Variants in NUBPL observed in about 807,000 individuals in gnomAD.
The protein encoded by NUBPL is iron-sulfur cluster transfer protein NUBPL.
Under a neutral mutation model 45.7 loss-of-function variants are expected in NUBPL, and 31 were observed. The observed-to-expected ratio is 0.68, with a 90% CI of 0.51 to 0.92. The LOEUF (loss-of-function observed/expected upper bound fraction) is 0.92. Among genes scored for constraint, NUBPL ranks in the 40% least tolerant of loss-of-function variants. NUBPL has a pLI of 0.00. For synonymous variants in NUBPL, 144 were observed against 140.9 expected, an observed-to-expected ratio of 1.02 and a Z score of -0.15; for missense variants, 401 against 398.7, an observed-to-expected ratio of 1.01 and a Z score of -0.05.
At chr14:31,855,981 T>G (rs1250718229) in intron 10 of NUBPL, among the ~76,000 whole-genome samples, 1 of 152,232 alleles carries the variant, frequency 6.6e-6, no homozygotes, top group Non-Finnish European at 1.5e-5. Context: ...TATTAAGTAC[T>G]CAGTAAATCT....
intron 3 of NUBPL, among the ~76,000 whole-genome samples, chr14:31,586,154 A>G (rs11624210): frequency 0.065 from 9,950 of 152,220 alleles, 431 homozygotes; most frequent in Non-Finnish European, 0.092. Flanking sequence ...ATTCAGTTGA[A>G]CCAATCCAAG....
At chr14:31,599,866 T>C (rs564985617) in intron 4 of NUBPL, among the ~76,000 whole-genome samples, 1 of 152,234 alleles carries the variant, frequency 6.6e-6, no homozygotes, top group East Asian at 1.9e-4. Context: ...GAGCATTTTC[T>C]TACTGCATTG....
chr14:31,787,498 C>T (rs1213669577), intron 6 of NUBPL, among the ~76,000 whole-genome samples: 1 of 152,034 alleles, frequency 6.6e-6, no homozygotes, highest in Non-Finnish European at 1.5e-5. Flanking sequence ...AGTGAATGGT[C>T]CTGAATAGAA....
intron 6 of NUBPL, among the ~76,000 whole-genome samples, chr14:31,760,177 G>GAGAGAGAGAGAGAGAGAGAGAGAGAC (rs1566547083): frequency 6.8e-6 from 1 of 146,922 alleles, no homozygotes; most frequent in Non-Finnish European, 1.5e-5. Context: ...GAGAGAGAGA[G>GAGAGAGAGAGAGAGAGAGAGAGAGAC]AGAGACAGGG....
rs543557660 is a variant in NUBPL at position 31,660,531 on chromosome 14, T to TA, written c.383-12823dup. On this transcript the variant is annotated intron_variant, in intron 4 of 10. Coordinates refer to ENST00000281081, the MANE Select transcript of NUBPL (RefSeq NM_025152.3). Reference sequence around the variant, plus strand: ...ATCTTTGCATGTCTTTTCTTCAAGATACGAATACAGGTTTATTTTTTATAA... The same window carrying TA: ...ATCTTTGCATGTCTTTTCTTCAAGATAACGAATACAGGTTTATTTTTTATAA... Among the ~76,000 whole-genome samples the TA allele has an allele frequency of 2.0e-3, 307 of 152,292 alleles. 2 individuals are homozygous for TA. Among genetic ancestry groups the TA allele is most frequent in the African/African-American group, 7.1e-3 (295 of 41,592 alleles).
intron 10 of NUBPL, 80 bp from the exon 11 acceptor site, chr14:31,859,038 G>A: frequency 1.7e-6 from 2 of 1,174,914 alleles, no homozygotes; most frequent in Non-Finnish European, 2.5e-6. Flanking sequence ...AATACAGTGG[G>A]CCTCTATAAC....
intron 7 of NUBPL, among the ~76,000 whole-genome samples, chr14:31,813,756 A>G (rs189720904): frequency 8.6e-4 from 130 of 151,792 alleles, no homozygotes; most frequent in African/African-American, 3.0e-3. Flanking sequence ...TCTTTGTTCA[A>G]CTCCCACTTA....
intron 7 of NUBPL, among the ~76,000 whole-genome samples, chr14:31,809,553 T>C (rs1449894701): frequency 2.6e-5 from 4 of 152,164 alleles, no homozygotes; most frequent in African/African-American, 7.2e-5. Flanking sequence ...TTTGTTGATC[T>C]TTTCAAAAAA....
At chr14:31,624,854 C>T (rs781593124) in intron 4 of NUBPL, among the ~76,000 whole-genome samples, 4 of 152,120 alleles carry the variant, frequency 2.6e-5, no homozygotes, top group Admixed American at 6.5e-5. Flanking sequence ...TGTGAGCCAC[C>T]GTGCCTGGCC....
At chr14:31,665,941 T>C (rs1198509714) in intron 4 of NUBPL, among the ~76,000 whole-genome samples, 2 of 152,078 alleles carry the variant, frequency 1.3e-5, no homozygotes, top group African/African-American at 2.4e-5. Flanking sequence ...ATATTTAAGA[T>C]AATGCTTCTT....
At chr14:31,800,882 A>G (rs2039574345) in intron 7 of NUBPL, 1 of 152,224 alleles carries the variant, frequency 6.6e-6, no homozygotes, top group African/African-American at 2.4e-5. Context: ...TGTATTAGTC[A>G]GAGTCCTAGC....
chr14:31,755,297 C>T (rs375096016), intron 6 of NUBPL, among the ~76,000 whole-genome samples: 2 of 151,868 alleles, frequency 1.3e-5, no homozygotes, highest in Non-Finnish European at 2.9e-5. Flanking sequence ...ATGGTTGAAC[C>T]AGTTTACAGT....
At chr14:31,819,040 T>G (rs1177093022) in intron 7 of NUBPL, among the ~76,000 whole-genome samples, 1 of 152,214 alleles carries the variant, frequency 6.6e-6, no homozygotes, top group African/African-American at 2.4e-5. Context: ...ACATTTGAGG[T>G]GAATTTACCT....
intron 6 of NUBPL, among the ~76,000 whole-genome samples, chr14:31,741,439 C>T (rs757463137): frequency 3.9e-5 from 6 of 152,076 alleles, no homozygotes; most frequent in African/African-American, 7.2e-5. Flanking sequence ...TGTTCAGCTC[C>T]GATATAAACC....
intron 4 of NUBPL, among the ~76,000 whole-genome samples, chr14:31,642,939 G>C (rs898004030): frequency 7.2e-5 from 11 of 151,968 alleles, no homozygotes; most frequent in Non-Finnish European, 1.6e-4. Context: ...CTGCTTTCTT[G>C]ATTTCTTTTT....
intron 6 of NUBPL, among the ~76,000 whole-genome samples, 154 bp downstream of exon 6, chr14:31,673,728 C>T (rs2036629685): frequency 6.6e-6 from 1 of 152,092 alleles, no homozygotes; most frequent in Non-Finnish European, 1.5e-5. Flanking sequence ...AATGTGATGC[C>T]AAGACCAAAC....
At chr14:31,826,281 C>T (rs765494008) in intron 7 of NUBPL, among the ~76,000 whole-genome samples, 14 of 151,952 alleles carry the variant, frequency 9.2e-5, no homozygotes, top group African/African-American at 1.5e-4. Context: ...CCACCATGCC[C>T]GGCTAATTTT....
intron 8 of NUBPL, chr14:31,844,587 A>G (rs1047259180): frequency 2.0e-5 from 3 of 152,194 alleles, no homozygotes; most frequent in Non-Finnish European, 4.4e-5. Context: ...ATTTGTCTTC[A>G]TATATAATTA....
intron 3 of NUBPL, among the ~76,000 whole-genome samples, chr14:31,572,739 A>G (rs1276215821): frequency 6.6e-6 from 1 of 152,166 alleles, no homozygotes; most frequent in Non-Finnish European, 1.5e-5. Context: ...TCAGAAATGC[A>G]TCATTAGGCG....
Sources: gnomAD v4.1 joint callset for allele counts (sites outside exome capture counted in the v4.1 genomes callset) on GRCh38, gnomAD v4.1.1 for gene constraint, MANE v1.5 for transcripts, NCBI Gene and HGNC (gene_info 2026-07-23, HGNC 2026-07-21) for gene names.